AP3B1: variants seen among roughly 807,000 people sequenced by gnomAD.
The protein encoded by AP3B1 is adaptor related protein complex 3 subunit beta 1.
AP3B1 carries 61 observed loss-of-function variants against 132.5 expected under a neutral mutation model. The observed-to-expected ratio is 0.46, with a 90% CI of 0.37 to 0.57. The LOEUF is 0.57. AP3B1 is among the 20% of genes least tolerant of loss of function. AP3B1 has a pLI of 0.00. For synonymous variants in AP3B1, 388 were observed against 438.3 expected (o/e 0.89, Z 1.43); for missense variants, 1,120 against 1,289.4 (o/e 0.87, Z 2.01).
In AP3B1 at chr5:78,002,920, A is replaced by G. The variant is rs779106683; in HGVS notation, c.3267T>C (p.Pro1089=). Residue 1089 remains proline (P), a synonymous_variant, in exon 27 of 27, where the codon CCT becomes CCC. Coordinates refer to ENST00000255194, the MANE Select transcript of AP3B1 (RefSeq NM_003664.5). ...AAGCAGGTTACCCCTGAGACAGGAC[A>G]GGCTTCAGTTCCCGCAGCAGAACAG... The part of the protein sequence containing the change: ...IGSVLLRELK[P]VLSQG The G allele has an allele frequency of 6.2e-7, 1 of 1,614,216 alleles. No homozygotes were observed. Among genetic ancestry groups the G allele is most frequent in the Admixed American group, 1.7e-5 (1 of 60,030 alleles).
intron 6 of AP3B1, among the ~76,000 whole-genome samples, chr5:78,221,926 C>T (rs1380979424): frequency 2.0e-5 from 3 of 152,074 alleles, no homozygotes; most frequent in Non-Finnish European, 4.4e-5. Flanking sequence ...TCTTCAGGGC[C>T]AGCATCTTTC....
chr5:78,034,367 T>A lies in AP3B1; in HGVS notation c.2888A>T (p.Gln963Leu), dbSNP rs1026953573. The A allele has an allele frequency of 6.2e-7, 1 of 1,610,180 alleles. No homozygotes were observed. The highest frequency in any genetic ancestry group is 8.5e-7 in the Non-Finnish European group (1 of 1,176,714). The change falls in exon 24 of 27, where the codon CAG becomes CTG. Residue 963 changes from glutamine to leucine, a missense_variant. Coordinates refer to ENST00000255194, the MANE Select transcript of AP3B1 (RefSeq NM_003664.5). ...GAAGAACAATTGAACTTACCACAAC[T>A]GGAAACTGGCAGTCTGAGTAGAATC... ...FCDSTQTASF[Q>L]LCTKDDCFNV...
chr5:78,204,660 T>C (rs1327082967), intron 7 of AP3B1, among the ~76,000 whole-genome samples: 1 of 152,114 alleles, frequency 6.6e-6, no homozygotes, highest in Non-Finnish European at 1.5e-5. Context: ...TCTGAGGGAG[T>C]TATGATTTCA....
chr5:78,011,035 ATCTC>A (rs199709727), intron 26 of AP3B1, among the ~76,000 whole-genome samples: 4 of 144,256 alleles, frequency 2.8e-5, no homozygotes, highest in African/African-American at 7.6e-5. Context: ...ATAATTCTGT[ATCTC>A]TCTTTTTTTT....
chr5:78,175,921 T>C, intron 9 of AP3B1, 83 bp from the exon 10 acceptor site: 1 of 1,074,258 alleles, frequency 9.3e-7, no homozygotes, highest in South Asian at 1.3e-5. Flanking sequence ...GACAAAGAAT[T>C]AGCAATAATT....
chr5:78,157,073 A>T (rs1743178943), intron 13 of AP3B1, among the ~76,000 whole-genome samples: 1 of 151,936 alleles, frequency 6.6e-6, no homozygotes, highest in Admixed American at 6.6e-5. Context: ...AAGCTTCAGC[A>T]GGAGATGGTG....
chr5:78,048,459 G>C (rs1487673398), intron 22 of AP3B1, among the ~76,000 whole-genome samples: 1 of 152,086 alleles, frequency 6.6e-6, no homozygotes, highest in Non-Finnish European at 1.5e-5. Flanking sequence ...CCCATGACTG[G>C]CTGCAGTTAA....
At chr5:78,263,559 T>A (rs983690761) in intron 2 of AP3B1, among the ~76,000 whole-genome samples, 8 of 152,218 alleles carry the variant, frequency 5.3e-5, no homozygotes, top group Admixed American at 2.6e-4. Flanking sequence ...AAAGCAAGCA[T>A]CCTTGTTTCT....
intron 2 of AP3B1, among the ~76,000 whole-genome samples, chr5:78,252,492 T>C (rs950316933): frequency 6.6e-5 from 10 of 151,804 alleles, no homozygotes; most frequent in African/African-American, 1.9e-4. Flanking sequence ...GCAGCATTCA[T>C]GAAAAGTACT....
chr5:78,059,591 CTAT>C (rs1748956660), intron 22 of AP3B1, among the ~76,000 whole-genome samples: 1 of 152,110 alleles, frequency 6.6e-6, no homozygotes, highest in Non-Finnish European at 1.5e-5. Context: ...TAAACTCCAA[CTAT>C]TATAGACACT....
chr5:78,115,258 G>C (rs1751773990), intron 18 of AP3B1, among the ~76,000 whole-genome samples: 1 of 152,106 alleles, frequency 6.6e-6, no homozygotes, highest in African/African-American at 2.4e-5. Context: ...AAAGATTTTT[G>C]ATAAGGAAGA....
intron 26 of AP3B1, among the ~76,000 whole-genome samples, chr5:78,010,560 A>G (rs1445472677): frequency 6.6e-6 from 1 of 152,196 alleles, no homozygotes; most frequent in African/African-American, 2.4e-5. Flanking sequence ...AGGACATGCA[A>G]TGTAACAAAA....
chr5:78,187,255 C>G (rs1425919806), intron 7 of AP3B1, among the ~76,000 whole-genome samples: 1 of 152,096 alleles, frequency 6.6e-6, no homozygotes, highest in African/African-American at 2.4e-5. Flanking sequence ...ATTAAATGCT[C>G]TAAGCATAAG....
chr5:78,227,151 C>T (rs1746431526), intron 5 of AP3B1, among the ~76,000 whole-genome samples: 1 of 152,110 alleles, frequency 6.6e-6, no homozygotes, highest in Non-Finnish European at 1.5e-5. Context: ...CAGGCTCTAA[C>T]AGCCTCACAA....
chr5:78,044,095 A>T, intron 22 of AP3B1: 1 of 329,514 alleles, frequency 3.0e-6, no homozygotes, highest in South Asian at 3.1e-5. Flanking sequence ...CCTGAAAGGC[A>T]AGTTTCCAGC....
chr5:78,290,961 A>G (rs551443223), intron 1 of AP3B1, among the ~76,000 whole-genome samples: 5 of 152,310 alleles, frequency 3.3e-5, no homozygotes, highest in African/African-American at 1.2e-4. Flanking sequence ...AAAATAAAAA[A>G]TAAGAGTACA....
At chr5:78,155,340 G>C (rs1401013147) in intron 14 of AP3B1, among the ~76,000 whole-genome samples, 1 of 152,188 alleles carries the variant, frequency 6.6e-6, no homozygotes, top group Non-Finnish European at 1.5e-5. Context: ...GGCAATTCAA[G>C]ACTGTCTTTC....
At chr5:78,004,342 G>A (rs1746308365) in intron 26 of AP3B1, among the ~76,000 whole-genome samples, 1 of 152,084 alleles carries the variant, frequency 6.6e-6, no homozygotes. Flanking sequence ...GTGTCCACAG[G>A]GATCTGTTTA....
chr5:78,292,833 T>TC (rs1289676871), intron 1 of AP3B1, among the ~76,000 whole-genome samples: 2 of 152,002 alleles, frequency 1.3e-5, no homozygotes, highest in Admixed American at 6.5e-5. Context: ...TAAGTTTTTT[T>TC]TGTTTTTTTT....
Sources: allele counts gnomAD v4.1 joint callset (sites outside exome capture counted in the v4.1 genomes callset), GRCh38; gene constraint gnomAD v4.1.1; transcripts MANE v1.5; gene names NCBI Gene and HGNC (gene_info 2026-07-23, HGNC 2026-07-21).